The following RINL variants were observed in gnomAD, a reference collection of about 807,000 sequenced individuals.
RINL encodes ras and Rab interactor-like protein.
In RINL, 39 loss-of-function variants were observed where a neutral mutation model predicts 58.1. That is an observed-to-expected ratio of 0.67 (90% CI 0.52 to 0.88). The LOEUF is 0.88. Among genes scored for constraint, RINL ranks in the 40% least tolerant of loss-of-function variants. The probability of loss-of-function intolerance (pLI) is 0.00; values close to 1 mark genes in which losing one functional copy is unlikely to be tolerated. For synonymous variants in RINL, 286 were observed against 323.1 expected (o/e 0.89, Z 1.23); for missense variants, 711 against 749.2 (o/e 0.95, Z 0.60).
chr19:38,870,967 C>A lies in RINL; in HGVS notation c.627G>T (p.Gly209=). Residue 209 remains glycine, a synonymous_variant, in exon 8 of 12, where the codon GGG becomes GGT. Transcript: ENST00000591812. This position sits in a 1 kb window ranked among gnomAD's most constrained non-coding sequence, Gnocchi z 5.8. ...TGAGCGGGCCTTTCACCCAGGAGACCCCGTGAGGCGCAGGGTTCCTGGGGG... is the reference window on the plus strand; with the variant it reads ...TGAGCGGGCCTTTCACCCAGGAGACACCGTGAGGCGCAGGGTTCCTGGGGG... The part of the protein sequence containing the change: ...DPAPRNPAPH[G]VSWVKGPLSP... The A allele has an allele frequency of 6.2e-7, 1 of 1,603,854 alleles. No homozygotes were observed. Among genetic ancestry groups the A allele is most frequent in the Non-Finnish European group, 8.5e-7 (1 of 1,177,990 alleles).
chr19:38,871,633 G>T lies in RINL; in HGVS notation c.451+14C>A. On this transcript the variant is annotated intron_variant, in intron 6 of 11. Transcript: ENST00000591812. ...GCAGGTTGGCTGTGCCCTCTTTAGA[G>T]AACCGTGCCTCACCTGTGTGTTCAT... The T allele has an allele frequency of 2.5e-6, 4 of 1,612,280 alleles. No individual in the cohort carries two copies. The highest frequency in any genetic ancestry group is 3.4e-6 in the Non-Finnish European group (4 of 1,179,118).
rs1172275526 is a variant in RINL at position 38,871,245 on chromosome 19, GAGA to G, written c.452-21_452-19del. The G allele has an allele frequency of 6.2e-6, 10 of 1,613,680 alleles. No individual in the cohort carries two copies. Among genetic ancestry groups the G allele is most frequent in the Non-Finnish European group, 7.6e-6 (9 of 1,179,974 alleles). On this transcript the variant is annotated intron_variant, in intron 6 of 11. Transcript: ENST00000591812. The stretch of plus-strand genomic sequence containing the variant: ...CACAGGATCTGGAGCCAGCAGAAGT[GAGA>G]AGGTGTCCTAGGTATCCAAGGGACC...
chr19:38,871,473 GC>G, intron 6 of RINL, 173 bp downstream of exon 6: 1 of 695,972 alleles, frequency 1.4e-6, no homozygotes, highest in Non-Finnish European at 2.4e-6. Context: ...AGGAATACAG[GC>G]CCCCATCCCC....
In RINL at chr19:38,869,646, C is replaced by T. The variant is rs766027956; in HGVS notation, c.1401G>A (p.Pro467=). 10 of 1,613,814 alleles carry T rather than the reference C, an allele frequency of 6.2e-6. No individual in the cohort carries two copies. The East Asian group carries it at 1.8e-4, about 29-fold the overall frequency. ...PALTEELIWS[P]DIGDTQLDVE... is the part of the protein sequence containing the mutation. ...CGTCCAGCTGCGTGTCCCCAATGTC[C>T]GGGCTCCAGATGAGTTCCTCGGTCA... Residue 467 remains proline (P), a synonymous_variant, in exon 10 of 12, where the codon CCG becomes CCA. Transcript: ENST00000591812. The surrounding 1 kb of genome is among the most constrained non-coding windows in gnomAD (Gnocchi z 5.7).
chr19:38,876,279 G>A, intron 3 of RINL, 52 bp downstream of exon 3: 2 of 1,491,420 alleles, frequency 1.3e-6, no homozygotes, highest in South Asian at 2.5e-5. Context: ...CTAGTAACCA[G>A]CAGAGTCCTA....
Position 38,869,806 on chromosome 19 carries a change from A to C in RINL, c.1343-102T>G, listed in dbSNP as rs1448729270. ...GACCACGAGGGCTGGCTGCCCCTCC[A>C]CCTTGTCGGGCATGACAGCGCCTCC... On this transcript the variant is annotated intron_variant, in intron 9 of 11. Coordinates refer to ENST00000591812, the MANE Select transcript of RINL (RefSeq NM_001195833.2). The surrounding 1 kb of genome is among the most constrained non-coding windows in gnomAD (Gnocchi z 5.7). The C allele has an allele frequency of 2.6e-6, 4 of 1,563,620 alleles. No individual in the cohort carries two copies. In the South Asian group the frequency reaches 4.6e-5, roughly 18 times the overall value.
At position 38,869,796 on chromosome 19, in the gene RINL, C is replaced by T; in HGVS notation, c.1343-92G>A. ...CGATCCCCAGGACCACGAGGGCTGG[C>T]TGCCCCTCCACCTTGTCGGGCATGA... On this transcript the variant is annotated intron_variant, in intron 9 of 11. Transcript: ENST00000591812. This position sits in a 1 kb window ranked among gnomAD's most constrained non-coding sequence, Gnocchi z 5.7. 6.4e-7 allele frequency: 1 copy of T among 1,573,230 alleles called. No individual in the cohort carries two copies. Among genetic ancestry groups the T allele is most frequent in the Non-Finnish European group, 8.7e-7 (1 of 1,155,436 alleles).
chr19:38,873,770 C>T, intron 4 of RINL, 116 bp downstream of exon 4: 1 of 621,234 alleles, frequency 1.6e-6, no homozygotes, highest in Non-Finnish European at 2.8e-6. Flanking sequence ...AAGCGATCCA[C>T]CCGCCTCGAC....
At position 38,870,110 on chromosome 19, in the gene RINL, G is replaced by A; in HGVS notation, c.1175C>T (p.Ala392Val). ...ALRAGAGPPG[A>V]QGPGPEGQSP... ...CTGCCCTTCCGGTCCCGGCCCCTGT[G>A]CCCCCGGAGGCCCCGCCCCCGCCCG... Residue 392 changes from alanine (A) to valine (V), a missense_variant, in exon 9 of 12, where the codon GCA becomes GTA. Physicochemically the swap from Ala to Val is moderately conservative, Grantham distance 64. Transcript: ENST00000591812. The surrounding 1 kb of genome is among the most constrained non-coding windows in gnomAD (Gnocchi z 5.8). 7.0e-7 allele frequency: 1 copy of A among 1,430,098 alleles called. No individual in the cohort carries two copies. The highest frequency in any genetic ancestry group is 9.1e-7 in the Non-Finnish European group (1 of 1,102,632). 88.6% of individuals were successfully genotyped at this position (1,430,098 alleles called of 1,614,324 possible). A position where few individuals can be genotyped will look rare whatever the true frequency, so the allele number is the denominator to read the frequency against.
intron 3 of RINL, among the ~76,000 whole-genome samples, chr19:38,875,153 TAATA>T (rs1221716030): frequency 4.0e-5 from 6 of 149,530 alleles, no homozygotes; most frequent in Admixed American, 2.7e-4. Flanking sequence ...ATAATAAAAA[TAATA>T]AATAAAAAAA....
chr19:38,869,389 C>T lies in RINL; in HGVS notation c.1496G>A (p.Trp499Ter), dbSNP rs1972746345. Residue 499 changes from tryptophan (W) to a stop codon, truncating the protein, a stop_gained, in exon 11 of 12, where the codon TGG becomes TAG. Transcript: ENST00000591812. LOFTEE classifies it high-confidence loss of function. The surrounding 1 kb of genome is among the most constrained non-coding windows in gnomAD (Gnocchi z 5.7). ...GGCAATGTGGTGCAGCGCCCCAAAC[C>T]ACGTGGTCAGGTAGTACCCAGCTGG... Reference protein sequence around the residue: ...RGEAGYYLTTWFGALHHIAHY... With the variant: ...RGEAGYYLTT 6.2e-7 allele frequency: 1 copy of T among 1,608,324 alleles called. No homozygotes were observed. The highest frequency in any genetic ancestry group is 8.5e-7 in the Non-Finnish European group (1 of 1,176,124).
chr19:38,877,940 G>C (rs1972977877), intron 1 of RINL, among the ~76,000 whole-genome samples: 2 of 152,248 alleles, frequency 1.3e-5, no homozygotes, highest in South Asian at 4.1e-4. Flanking sequence ...GGCAGGTGTA[G>C]CATATGGATA....
At chr19:38,871,282 TCCCC>T in intron 6 of RINL, 55 bp from the exon 7 acceptor site, 1 of 1,597,880 alleles carries the variant, frequency 6.3e-7, no homozygotes, top group Non-Finnish European at 8.6e-7. Flanking sequence ...CCAACCCTGG[TCCCC>T]TCAAGGCGCC....
chr19:38,868,837 CT>C lies in RINL; in HGVS notation c.*266del, dbSNP rs1165585329. The C allele has an allele frequency of 5.1e-6, 2 of 395,514 alleles. No homozygotes were observed. The highest frequency in any genetic ancestry group is 4.6e-6 in the Non-Finnish European group (1 of 217,460). 24.5% of individuals were successfully genotyped at this position (395,514 alleles called of 1,614,324 possible). On this transcript the variant is annotated 3_prime_UTR_variant, in exon 12 of 12. Coordinates refer to ENST00000591812, the MANE Select transcript of RINL (RefSeq NM_001195833.2). ...ATACCCACTCTGCTCCTCCCTTCCC[CT>C]CCCCTCCTTCAGGCCTTTCTGCAGA...
intron 1 of RINL, among the ~76,000 whole-genome samples, chr19:38,877,586 A>G (rs76729560): frequency 2.0e-5 from 3 of 152,216 alleles, no homozygotes; most frequent in African/African-American, 7.2e-5. Context: ...AAACATCCCT[A>G]TGCCCACTAC....
At chr19:38,876,059 ATTT>A (rs5828019) in intron 3 of RINL, among the ~76,000 whole-genome samples, 18 of 138,542 alleles carry the variant, frequency 1.3e-4, no homozygotes, top group African/African-American at 2.4e-4. Flanking sequence ...TTGAAATTAC[ATTT>A]TTTTTTTTTT....
rs369870275 is a variant in RINL at position 38,870,055 on chromosome 19, G to T, written c.1230C>A (p.Ile410=). Reference sequence around the variant, plus strand: ...CGTGGAGGTGCGCAAGGCGCTCGTGGATGCGGCTCCGCAAGGCGGGGGCGG... The same window carrying T: ...CGTGGAGGTGCGCAAGGCGCTCGTGTATGCGGCTCCGCAAGGCGGGGGCGG... The part of the protein sequence containing the change: ...QSPAPALRSR[I]HERLAHLHAA... Residue 410 remains isoleucine (I), a synonymous_variant, in exon 9 of 12, where the codon ATC becomes ATA. Coordinates refer to ENST00000591812, the MANE Select transcript of RINL (RefSeq NM_001195833.2). The surrounding 1 kb of genome is among the most constrained non-coding windows in gnomAD (Gnocchi z 5.8). The T allele has an allele frequency of 7.8e-6, 12 of 1,536,606 alleles. No individual in the cohort carries two copies. The African/African-American group carries it at 1.4e-4, about 18-fold the overall frequency.
At chr19:38,872,557 C>G (rs1972837349) in intron 4 of RINL, among the ~76,000 whole-genome samples, 1 of 151,624 alleles carries the variant, frequency 6.6e-6, no homozygotes, top group African/African-American at 2.4e-5. Flanking sequence ...GTATTGAGTG[C>G]TATGAAGAAA....
rs1244919008 is a variant in RINL, at chr19:38,870,433, G to C, written c.1024+137C>G. 1.8e-6 allele frequency: 2 copies of C among 1,107,110 alleles called. No homozygotes were observed. Among genetic ancestry groups the C allele is most frequent in the Non-Finnish European group, 2.5e-6 (2 of 801,368 alleles). The allele number at this position is 1,107,110 out of a possible 1,614,324, so 68.6% of individuals were successfully genotyped here. On this transcript the variant is annotated intron_variant, in intron 8 of 11. Transcript: ENST00000591812. The surrounding 1 kb of genome is among the most constrained non-coding windows in gnomAD (Gnocchi z 5.8). ...AGAGTTAGCCTGGGTGTGAACTTGC[G>C]CGCATACGTGGGCGATAGAACGCGT...
Sources: allele counts gnomAD v4.1 joint callset (sites outside exome capture counted in the v4.1 genomes callset), GRCh38; gene constraint gnomAD v4.1.1; non-coding constraint Gnocchi (gnomAD v3.1); transcripts MANE v1.5; gene names NCBI Gene and HGNC (gene_info 2026-07-23, HGNC 2026-07-21).